The following RPAP3 variants were observed in gnomAD, a reference collection of about 807,000 sequenced individuals.
RPAP3 encodes the protein RNA polymerase II-associated protein 3.
A neutral mutation model predicts 88.8 loss-of-function variants in RPAP3; 58 were observed. That is an observed-to-expected ratio of 0.65 (90% confidence interval 0.53 to 0.81). The LOEUF (loss-of-function observed/expected upper bound fraction) is 0.81. RPAP3 is among the 40% of genes least tolerant of loss of function. The pLI is 0.00. For synonymous variants in RPAP3, 255 were observed against 259.9 expected (o/e 0.98, Z 0.18); for missense variants, 751 against 764.3 (o/e 0.98, Z 0.20).
chr12:47,676,711 T>G (rs1241971053), intron 12 of RPAP3, among the ~76,000 whole-genome samples: 1 of 152,202 alleles, frequency 6.6e-6, no homozygotes, highest in African/African-American at 2.4e-5. Context: ...GTTCAATCTC[T>G]GAATAGACCA....
At chr12:47,693,485 T>C (rs1233552115) in intron 5 of RPAP3, among the ~76,000 whole-genome samples, 1 of 152,192 alleles carries the variant, frequency 6.6e-6, no homozygotes, top group Admixed American at 6.5e-5. Flanking sequence ...ATGGCACCAA[T>C]AGAGTTGCTT....
At chr12:47,693,841 G>A (rs553139718) in intron 5 of RPAP3, among the ~76,000 whole-genome samples, 29 of 152,288 alleles carry the variant, frequency 1.9e-4, no homozygotes, top group South Asian at 8.3e-4. Context: ...AGGTGACTAC[G>A]AGAGACCAAC....
At position 47,689,193 on chromosome 12, in the gene RPAP3, A is replaced by C. The variant is rs1169229941; in HGVS notation, c.670T>G (p.Tyr224Asp). The C allele has an allele frequency of 7.5e-7, 1 of 1,326,190 alleles. No homozygotes were observed. The highest frequency in any genetic ancestry group is 1.5e-5 in the African/African-American group (1 of 67,194). The allele number at this position is 1,326,190 out of a possible 1,614,324, so 82.2% of individuals were successfully genotyped here. ...LQKLEEAKKD[Y>D]ERVLELEPNN... is the part of the protein sequence containing the mutation. ...GGTTCTAGTTCTAATACTCTTTCAT[A>C]ATCTAAGTAAAAGAGAAGATAAAAA... is the stretch of plus-strand genomic sequence containing the variant. Residue 224 changes from tyrosine (Y) to aspartate (D), a missense_variant and splice_region_variant, in exon 7 of 17, where the codon TAT (tyrosine) becomes GAT (aspartate). By Grantham distance (160) the Tyr-to-Asp change is radical (BLOSUM62 -3). Coordinates refer to ENST00000005386, the MANE Select transcript of RPAP3 (RefSeq NM_024604.3).
intron 12 of RPAP3, among the ~76,000 whole-genome samples, chr12:47,673,514 A>G (rs911810750): frequency 6.6e-6 from 1 of 151,974 alleles, no homozygotes; most frequent in Non-Finnish European, 1.5e-5. Context: ...TTAAACTAAG[A>G]AATCTATTTG....
At chr12:47,675,706 A>G (rs1348568739) in intron 12 of RPAP3, among the ~76,000 whole-genome samples, 1 of 152,236 alleles carries the variant, frequency 6.6e-6, no homozygotes, top group East Asian at 1.9e-4. Context: ...TATCCTAAAT[A>G]TATATGCACC....
intron 3 of RPAP3, among the ~76,000 whole-genome samples, chr12:47,698,853 T>A (rs952182234): frequency 6.6e-6 from 1 of 152,236 alleles, no homozygotes; most frequent in Admixed American, 6.5e-5. Flanking sequence ...ACTTTAATTA[T>A]TATGTAAACA....
chr12:47,676,422 CA>C lies in RPAP3; in HGVS notation c.1287+3070del, dbSNP rs879431790. Reference sequence around the variant, plus strand: ...AGAGCAGAACTGAAAGTGATAGACACAAAAAAAACCCTTCAAAACATCAATG... The same window carrying C: ...AGAGCAGAACTGAAAGTGATAGACACAAAAAAACCCTTCAAAACATCAATG... On this transcript the variant is annotated intron_variant, in intron 12 of 16. Transcript: ENST00000005386. 9.9e-5 allele frequency among the ~76,000 whole-genome samples: 15 copies of C among 151,582 alleles called. No homozygotes were observed. In the South Asian group the frequency reaches 3.1e-3, roughly 32 times the overall value.
chr12:47,686,575 C>CACACACACA (rs1473881334), intron 9 of RPAP3, among the ~76,000 whole-genome samples: 1 of 151,536 alleles, frequency 6.6e-6, no homozygotes, highest in East Asian at 1.9e-4. Context: ...CACACACACA[C>CACACACACA]ACTACTTTTC....
intron 9 of RPAP3, among the ~76,000 whole-genome samples, chr12:47,682,445 A>T (rs1364079069): frequency 1.3e-5 from 2 of 152,210 alleles, no homozygotes; most frequent in Non-Finnish European, 2.9e-5. Flanking sequence ...TATTAATAGG[A>T]CATTAATGAA....
intron 14 of RPAP3, 50 bp downstream of exon 14, chr12:47,668,866 G>T: frequency 7.1e-7 from 1 of 1,410,860 alleles, no homozygotes; most frequent in Non-Finnish European, 1.0e-6. Context: ...AGTGACAGAA[G>T]TTCTCTGACC....
rs1020635222 is a variant in RPAP3, at chr12:47,662,103, T to G, written c.*1402A>C. 1 of 152,124 alleles carries G rather than the reference T, an allele frequency of 6.6e-6. No individual in the cohort carries two copies. Among genetic ancestry groups the G allele is most frequent in the Non-Finnish European group, 1.5e-5 (1 of 68,040 alleles). 9.4% of individuals were successfully genotyped at this position (152,124 alleles called of 1,614,324 possible). ...TACATGGTGTAATTGGTGAACAAGC[T>G]CTCTGGGGCCTCTTTTACAAGGGCC... On this transcript the variant is annotated 3_prime_UTR_variant, in exon 17 of 17. Coordinates refer to ENST00000005386, the MANE Select transcript of RPAP3 (RefSeq NM_024604.3).
At chr12:47,678,664 G>A (rs1231221012) in intron 12 of RPAP3, among the ~76,000 whole-genome samples, 2 of 152,172 alleles carry the variant, frequency 1.3e-5, no homozygotes, top group Non-Finnish European at 2.9e-5. Flanking sequence ...ATCATCACTG[G>A]CCATCAGAGA....
chr12:47,697,669 C>T lies in RPAP3; in HGVS notation c.345G>A (p.Leu115=), dbSNP rs1269751224. 6.2e-6 allele frequency: 10 copies of T among 1,610,498 alleles called. No homozygotes were observed. The highest frequency in any genetic ancestry group is 8.5e-6 in the Non-Finnish European group (10 of 1,178,264). ...LDKDDSTHES[L]SQESESEEDG... is the part of the protein sequence containing the mutation. ...CTTCTTCCGACTCTGATTCTTGAGA[C>T]AGAGACTCATGGGTACTATCGTCTT... Residue 115 remains leucine, a synonymous_variant, in exon 4 of 17, where the codon CTG becomes CTA. Transcript: ENST00000005386.
rs1240678222 is a variant in RPAP3 at position 47,663,177 on chromosome 12, CAA to C, written c.*326_*327del. 1.2e-5 allele frequency: 2 copies of C among 171,338 alleles called. No individual in the cohort carries two copies. The highest frequency in any genetic ancestry group is 4.8e-5 in the African/African-American group (2 of 42,074). 10.6% of individuals were successfully genotyped at this position (171,338 alleles called of 1,614,324 possible). A position where few individuals can be genotyped will look rare whatever the true frequency, so the allele number is the denominator to read the frequency against. ...ATGAAGCAGCTTTGGCAAGTGGTTA[CAA>C]AAACTCATGAAAATATAAAAATAAT... On this transcript the variant is annotated 3_prime_UTR_variant, in exon 17 of 17. Coordinates refer to ENST00000005386, the MANE Select transcript of RPAP3 (RefSeq NM_024604.3).
At chr12:47,695,090 C>A (rs1366466054) in intron 5 of RPAP3, among the ~76,000 whole-genome samples, 2 of 148,942 alleles carry the variant, frequency 1.3e-5, no homozygotes, top group Admixed American at 6.7e-5. Context: ...AGAAGGTGGG[C>A]AATAGAAAGA....
Position 47,679,723 on chromosome 12 carries a change from T to C in RPAP3, c.1166A>G (p.Glu389Gly), listed in dbSNP as rs142406061. Reference protein sequence around the residue: ...LEPGNKQAVTELSKIKKELIE... With the variant: ...LEPGNKQAVTGLSKIKKELIE... ...CATTACCTTTTTAATTTTGGAGAGT[T>C]CAGTTACTGCTTGCTTATTTCCAGG... The change falls in exon 11 of 17, where the codon GAA becomes GGA. Residue 389 changes from glutamate to glycine, a missense_variant. Coordinates refer to ENST00000005386, the MANE Select transcript of RPAP3 (RefSeq NM_024604.3). 1.9e-6 allele frequency: 3 copies of C among 1,606,892 alleles called. No individual in the cohort carries two copies. Among genetic ancestry groups the C allele is most frequent in the Non-Finnish European group, 2.6e-6 (3 of 1,176,052 alleles).
chr12:47,701,348 T>C, intron 3 of RPAP3, 116 bp downstream of exon 3: 1 of 628,302 alleles, frequency 1.6e-6, no homozygotes, highest in Non-Finnish European at 2.5e-6. Flanking sequence ...AAATCATGAA[T>C]AAGAGAAAAA....
intron 5 of RPAP3, among the ~76,000 whole-genome samples, chr12:47,691,907 G>T (rs1304383920): frequency 6.6e-6 from 1 of 152,006 alleles, no homozygotes; most frequent in Non-Finnish European, 1.5e-5. Flanking sequence ...CACCACGCCT[G>T]GCTAATTTTT....
chr12:47,667,492 A>T (rs572132967), intron 15 of RPAP3, among the ~76,000 whole-genome samples: 136 of 152,228 alleles, frequency 8.9e-4, no homozygotes, highest in Non-Finnish European at 1.6e-3. Context: ...AAGAGAATCA[A>T]CTTCCCAAAT....
Sources: allele counts gnomAD v4.1 joint callset (sites outside exome capture counted in the v4.1 genomes callset), GRCh38; gene constraint gnomAD v4.1.1; transcripts MANE v1.5; gene names NCBI Gene and HGNC (gene_info 2026-07-23, HGNC 2026-07-21).